Variants in LHCGR observed in about 807,000 individuals in gnomAD.
The protein encoded by LHCGR is luteinizing hormone/choriogonadotropin receptor, also known as lutropin-choriogonadotropic hormone receptor.
Under a neutral mutation model 60.7 loss-of-function variants are expected in LHCGR, and 55 were observed. The ratio of observed to expected loss-of-function variants is 0.91; its 90% CI spans 0.73 to 1.13. The LOEUF (loss-of-function observed/expected upper bound fraction) is 1.13. Among genes scored for constraint, LHCGR ranks in the 50% most tolerant of loss-of-function variants. The pLI, the probability that LHCGR is intolerant of heterozygous loss-of-function variation, is 0.00. For missense variants in LHCGR, 862 were observed against 836.0 expected (o/e 1.03, Z -0.38); for synonymous variants, 337 against 316.5 (o/e 1.06, Z -0.69).
intron 1 of LHCGR, among the ~76,000 whole-genome samples, chr2:48,736,307 T>C (rs1034032390): frequency 6.6e-6 from 1 of 152,104 alleles, no homozygotes; most frequent in African/African-American, 2.4e-5. Context: ...TGCCTCCGGG[T>C]GGGACTACTC....
rs920231917 is a variant in LHCGR, at chr2:48,688,011, C to A, written c.1786G>T (p.Val596Leu). Residue 596 changes from valine to leucine, a missense_variant, in exon 11 of 11, where the codon GTA becomes TTA. Coordinates refer to ENST00000294954, the MANE Select transcript of LHCGR (RefSeq NM_000233.4). This position sits in a 1 kb window ranked among gnomAD's most constrained non-coding sequence, Gnocchi z 5.2. The stretch of plus-strand genomic sequence containing the variant: ...GAGTTGGTTACTGTGATAAGAGGTA[C>A]TTTGAAGGCAGCTGAGATGGCAAAA... Reference protein sequence around the residue: ...SFFAISAAFKVPLITVTNSKV... With the variant: ...SFFAISAAFKLPLITVTNSKV... 18 of 1,614,014 alleles carry A rather than the reference C, an allele frequency of 1.1e-5. No homozygotes were observed. Among genetic ancestry groups the A allele is most frequent in the African/African-American group, 4.0e-5 (3 of 74,906 alleles).
chr2:48,704,425 C>T (rs1424177424), intron 8 of LHCGR, among the ~76,000 whole-genome samples: 1 of 152,110 alleles, frequency 6.6e-6, no homozygotes, highest in Non-Finnish European at 1.5e-5. Flanking sequence ...GGGAGGATTC[C>T]CTCTCTTTCT....
At position 48,688,961 on chromosome 2, in the gene LHCGR, C is replaced by G. The variant is rs1680054515; in HGVS notation, c.948-112G>C. ...ACAAAAGGAAACAAAGCCATAATAGCCTCAGCCTTACATTTATTTGTTAAA... is the reference window on the plus strand; with the variant it reads ...ACAAAAGGAAACAAAGCCATAATAGGCTCAGCCTTACATTTATTTGTTAAA... On this transcript the variant is annotated intron_variant, in intron 10 of 10. Transcript: ENST00000294954. This position sits in a 1 kb window ranked among gnomAD's most constrained non-coding sequence, Gnocchi z 5.2. The G allele has an allele frequency of 1.1e-6, 1 of 907,170 alleles. No individual in the cohort carries two copies. Among genetic ancestry groups the G allele is most frequent in the African/African-American group, 1.7e-5 (1 of 60,518 alleles). The allele number at this position is 907,170 out of a possible 1,614,324, so 56.2% of individuals were successfully genotyped here.
intron 1 of LHCGR, among the ~76,000 whole-genome samples, chr2:48,735,399 G>A (rs1027113838): frequency 4.6e-5 from 7 of 152,218 alleles, no homozygotes; most frequent in Non-Finnish European, 7.3e-5. Flanking sequence ...GCTGGTGTTT[G>A]TTTTTGTCTC....
At chr2:48,732,615 T>C (rs1558877232) in intron 1 of LHCGR, among the ~76,000 whole-genome samples, 1 of 152,048 alleles carries the variant, frequency 6.6e-6, no homozygotes, top group Non-Finnish European at 1.5e-5. Context: ...ACTCCAGACA[T>C]CCTTTCCCTG....
intron 1 of LHCGR, among the ~76,000 whole-genome samples, chr2:48,752,902 T>C (rs1670026327): frequency 6.7e-6 from 1 of 149,354 alleles, no homozygotes; most frequent in African/African-American, 2.5e-5. Context: ...TCAATTCTGC[T>C]TATTTTCCGT....
chr2:48,709,995 G>C (rs1249710102), intron 7 of LHCGR, among the ~76,000 whole-genome samples: 1 of 152,176 alleles, frequency 6.6e-6, no homozygotes, highest in Non-Finnish European at 1.5e-5. Context: ...CCGTTGATGT[G>C]ATGATTTCAA....
intron 1 of LHCGR, among the ~76,000 whole-genome samples, chr2:48,751,244 C>T (rs936301607): frequency 7.3e-6 from 1 of 137,312 alleles, no homozygotes; most frequent in African/African-American, 2.9e-5. Context: ...TCAATAACTA[C>T]ATATTGGGAT....
intron 3 of LHCGR, 59 bp from the exon 4 acceptor site, chr2:48,725,809 G>A (rs1259412985): frequency 1.5e-6 from 2 of 1,342,522 alleles, no homozygotes; most frequent in Non-Finnish European, 2.1e-6. Context: ...TGTTTGAAAT[G>A]TGTGAGATCA....
At chr2:48,738,574 C>T (rs1214823726) in intron 1 of LHCGR, among the ~76,000 whole-genome samples, 1 of 152,196 alleles carries the variant, frequency 6.6e-6, no homozygotes, top group Non-Finnish European at 1.5e-5. Flanking sequence ...GCATTCAAGG[C>T]TCAATCTTTA....
intron 1 of LHCGR, among the ~76,000 whole-genome samples, chr2:48,731,610 G>A (rs72807952): frequency 1.3e-5 from 2 of 152,254 alleles, no homozygotes; most frequent in Non-Finnish European, 2.9e-5. Flanking sequence ...AAGCCCTCCA[G>A]CTCAGTTTCT....
At chr2:48,707,323 G>A (rs1667736469) in intron 8 of LHCGR, among the ~76,000 whole-genome samples, 1 of 152,222 alleles carries the variant, frequency 6.6e-6, no homozygotes, top group African/African-American at 2.4e-5. Context: ...TGTGTGAGGT[G>A]GTTGTCAGCC....
At position 48,688,300 on chromosome 2, in the gene LHCGR, C is replaced by A; in HGVS notation, c.1497G>T (p.Met499Ile). The change falls in exon 11 of 11, where the codon ATG becomes ATT. Residue 499 changes from methionine (M) to isoleucine (I), a missense_variant. Met to Ile is a conservative substitution (Grantham distance 10). Coordinates refer to ENST00000294954, the MANE Select transcript of LHCGR (RefSeq NM_000233.4). This position sits in a 1 kb window ranked among gnomAD's most constrained non-coding sequence, Gnocchi z 5.2. ...GGWLFSSLIA[M>I]LPLVGVSNYM... ...AATTGCTGACACCGACAAGGGGCAA[C>A]ATAGCAATTAGAGAAGAAAAGAGCC... 6.2e-7 allele frequency: 1 copy of A among 1,614,060 alleles called. No homozygotes were observed. The highest frequency in any genetic ancestry group is 8.5e-7 in the Non-Finnish European group (1 of 1,180,018).
chr2:48,742,908 G>T (rs766796420), intron 1 of LHCGR, among the ~76,000 whole-genome samples: 71 of 152,036 alleles, frequency 4.7e-4, no homozygotes, highest in Non-Finnish European at 5.7e-4. Context: ...CCAGGAGCTG[G>T]TTTTTTGAAA....
intron 8 of LHCGR, among the ~76,000 whole-genome samples, chr2:48,702,865 T>C (rs949952532): frequency 6.6e-6 from 1 of 152,240 alleles, no homozygotes; most frequent in Non-Finnish European, 1.5e-5. Flanking sequence ...CCACAATGAT[T>C]GAACTAATTT....
intron 6 of LHCGR, among the ~76,000 whole-genome samples, chr2:48,717,650 G>A (rs1668313317): frequency 6.6e-6 from 1 of 151,846 alleles, no homozygotes; most frequent in Admixed American, 6.6e-5. Flanking sequence ...TGAAATACAA[G>A]CATTTTGTTT....
chr2:48,745,246 T>A (rs1231998316), intron 1 of LHCGR, among the ~76,000 whole-genome samples: 1 of 152,184 alleles, frequency 6.6e-6, no homozygotes, highest in African/African-American at 2.4e-5. Flanking sequence ...ACACTGTTGG[T>A]GGGACTGTAA....
At chr2:48,689,425 T>C (rs1680096229) in intron 10 of LHCGR, among the ~76,000 whole-genome samples, 1 of 152,158 alleles carries the variant, frequency 6.6e-6, no homozygotes, top group African/African-American at 2.4e-5. Flanking sequence ...AAGGCTCATG[T>C]TGTTGAAAGT....
At chr2:48,738,202 C>T (rs1669283653) in intron 1 of LHCGR, among the ~76,000 whole-genome samples, 1 of 152,118 alleles carries the variant, frequency 6.6e-6, no homozygotes, top group African/African-American at 2.4e-5. Context: ...TTCCTCTATC[C>T]TCCTCTACAC....
Sources: allele counts gnomAD v4.1 joint callset (sites outside exome capture counted in the v4.1 genomes callset), GRCh38; gene constraint gnomAD v4.1.1; non-coding constraint Gnocchi (gnomAD v3.1); transcripts MANE v1.5; gene names NCBI Gene and HGNC (gene_info 2026-07-23, HGNC 2026-07-21).